Variants in CADM2 observed in about 807,000 individuals in gnomAD.
CADM2 encodes cell adhesion molecule 2.
CADM2 carries 12 observed loss-of-function variants against 49.8 expected under a neutral mutation model. The observed-to-expected ratio is 0.24, with a 90% confidence interval of 0.15 to 0.39. CADM2 has a LOEUF of 0.39. Among genes scored for constraint, CADM2 ranks in the 10% least tolerant of loss-of-function variants. The pLI is 1.00. For missense variants in CADM2, 378 were observed against 492.3 expected (o/e 0.77, Z 2.20); for synonymous variants, 214 against 175.4 (o/e 1.22, Z -1.74).
At chr3:85,504,123 G>A (rs1474346694) in intron 1 of CADM2, among the ~76,000 whole-genome samples, 1 of 152,126 alleles carries the variant, frequency 6.6e-6, no homozygotes, top group Admixed American at 6.6e-5. Flanking sequence ...CGGCGTGTCC[G>A]GAGTTTGTTC....
At chr3:85,632,735 GA>G (rs1486808956) in intron 1 of CADM2, among the ~76,000 whole-genome samples, 1 of 151,948 alleles carries the variant, frequency 6.6e-6, no homozygotes, top group Non-Finnish European at 1.5e-5. Flanking sequence ...CAGTGCCTAT[GA>G]CAAGCCCAAC....
At chr3:84,984,890 G>C (rs1289829074) in intron 1 of CADM2, among the ~76,000 whole-genome samples, 1 of 152,132 alleles carries the variant, frequency 6.6e-6, no homozygotes, top group Non-Finnish European at 1.5e-5. Flanking sequence ...GATTTCAAGT[G>C]TAATTCCAAG....
At chr3:85,899,638 C>T (rs1258808682) in intron 5 of CADM2, among the ~76,000 whole-genome samples, 1 of 151,944 alleles carries the variant, frequency 6.6e-6, no homozygotes, top group East Asian at 1.9e-4. Context: ...GAGGTTAGTC[C>T]TTTCAGAGGT....
Position 86,042,001 on chromosome 3 carries a change from G to A in CADM2, c.971-23604G>A, listed in dbSNP as rs191409420. Among the ~76,000 whole-genome samples, 402 of 152,224 alleles carry A rather than the reference G, an allele frequency of 2.6e-3. 1 individual carries two copies. Among genetic ancestry groups the A allele is most frequent in the African/African-American group, 9.5e-3 (393 of 41,534 alleles). On this transcript the variant is annotated intron_variant, in intron 8 of 9. Transcript: ENST00000383699. ...CTACAGGGTACATAATGAAATGAAG[G>A]CAGAAATAAAGATGTTCTTTGAAAC... is the stretch of plus-strand genomic sequence containing the variant.
chr3:85,523,823 GA>G (rs1449458090), intron 1 of CADM2, among the ~76,000 whole-genome samples: 3 of 151,920 alleles, frequency 2.0e-5, no homozygotes, highest in African/African-American at 7.3e-5. Context: ...CCATAGAGAG[GA>G]AAAATTGAAT....
intron 3 of CADM2, among the ~76,000 whole-genome samples, chr3:85,869,863 A>G (rs559474598): frequency 4.7e-4 from 72 of 152,130 alleles, no homozygotes; most frequent in African/African-American, 1.4e-3. Flanking sequence ...GAGTTTCACC[A>G]TGTTAGCCAG....
intron 2 of CADM2, among the ~76,000 whole-genome samples, chr3:85,792,073 C>G (rs939642455): frequency 6.6e-6 from 1 of 152,096 alleles, no homozygotes; most frequent in Non-Finnish European, 1.5e-5. Context: ...TCTCCTGATC[C>G]ATTTAGCATT....
intron 1 of CADM2, among the ~76,000 whole-genome samples, chr3:85,438,233 T>A (rs866482296): frequency 6.6e-6 from 1 of 152,250 alleles, no homozygotes; most frequent in East Asian, 1.9e-4. Flanking sequence ...AAAAATTTAC[T>A]TATCTTTTTA....
Position 85,234,657 on chromosome 3 carries a change from C to A in CADM2, c.61+274989C>A, listed in dbSNP as rs369761898. Among the ~76,000 whole-genome samples, 274 of 152,174 alleles carry A rather than the reference C, an allele frequency of 1.8e-3. 1 individual carries two copies. Among genetic ancestry groups the A allele is most frequent in the African/African-American group, 6.3e-3 (263 of 41,540 alleles). ...TATCCTTAAGTGCGAAAAATAGACACGTGGTAAATACTGGTCAGTGATGAT... is the reference window on the plus strand; with the variant it reads ...TATCCTTAAGTGCGAAAAATAGACAAGTGGTAAATACTGGTCAGTGATGAT... On this transcript the variant is annotated intron_variant, in intron 1 of 9. Transcript: ENST00000383699.
At chr3:85,246,744 A>T (rs1485539616) in intron 1 of CADM2, among the ~76,000 whole-genome samples, 1 of 152,130 alleles carries the variant, frequency 6.6e-6, no homozygotes, top group Non-Finnish European at 1.5e-5. Context: ...AACTGTGAAG[A>T]ACATACAAGT....
At chr3:85,262,912 TTTACTCTG>T (rs1335491805) in intron 1 of CADM2, among the ~76,000 whole-genome samples, 10,298 of 152,180 alleles carry the variant, frequency 0.068, 1,149 homozygotes, top group African/African-American at 0.23. Context: ...ATATGATGTA[TTTACTCTG>T]TATGTGTATG....
chr3:85,763,631 ACTC>A (rs1370168817), intron 2 of CADM2, among the ~76,000 whole-genome samples: 1 of 151,816 alleles, frequency 6.6e-6, no homozygotes, highest in Admixed American at 6.6e-5. Context: ...CCACTGCACA[ACTC>A]CTCCTTGGTC....
At chr3:85,492,976 G>T (rs2039739531) in intron 1 of CADM2, among the ~76,000 whole-genome samples, 1 of 152,008 alleles carries the variant, frequency 6.6e-6, no homozygotes, top group Admixed American at 6.6e-5. Context: ...AAGTAATCAA[G>T]GGGGATCTAA....
At chr3:85,132,451 G>A (rs938036323) in intron 1 of CADM2, among the ~76,000 whole-genome samples, 2 of 152,148 alleles carry the variant, frequency 1.3e-5, no homozygotes, top group Non-Finnish European at 2.9e-5. Context: ...GAGTTGGTCT[G>A]GACTTGATCT....
At chr3:85,054,522 G>C (rs139282950) in intron 1 of CADM2, among the ~76,000 whole-genome samples, 7 of 151,978 alleles carry the variant, frequency 4.6e-5, no homozygotes, top group African/African-American at 9.6e-5. Flanking sequence ...TATTAGGAAG[G>C]CTAGTCTTAT....
intron 1 of CADM2, among the ~76,000 whole-genome samples, chr3:85,234,338 T>G (rs1374057284): frequency 6.6e-6 from 1 of 152,132 alleles, no homozygotes; most frequent in African/African-American, 2.4e-5. Flanking sequence ...GTATAGATTT[T>G]ATAGAATTTG....
chr3:85,461,266 T>C (rs913232541), intron 1 of CADM2, among the ~76,000 whole-genome samples: 2 of 152,088 alleles, frequency 1.3e-5, no homozygotes, highest in Non-Finnish European at 2.9e-5. Flanking sequence ...TGTAATATTA[T>C]ACTTCACTGG....
chr3:85,886,634 G>A (rs1381145608), intron 5 of CADM2, among the ~76,000 whole-genome samples: 1 of 152,022 alleles, frequency 6.6e-6, no homozygotes, highest in Non-Finnish European at 1.5e-5. Flanking sequence ...CTTCACAATA[G>A]TACATATTAG....
intron 1 of CADM2, among the ~76,000 whole-genome samples, chr3:85,525,582 A>C (rs541174175): frequency 6.6e-6 from 1 of 152,170 alleles, no homozygotes; most frequent in South Asian, 2.1e-4. Context: ...TTAGGTCCTG[A>C]TTTTTATCAA....
Sources: gnomAD v4.1 joint callset for allele counts (sites outside exome capture counted in the v4.1 genomes callset) on GRCh38, gnomAD v4.1.1 for gene constraint, MANE v1.5 for transcripts, NCBI Gene and HGNC (gene_info 2026-07-23, HGNC 2026-07-21) for gene names.